The following VAV2 variants were observed in gnomAD, a reference collection of about 807,000 sequenced individuals.
VAV2 encodes the protein vav guanine nucleotide exchange factor 2.
In VAV2, 67 loss-of-function variants were observed where a neutral mutation model predicts 132.5. That is an observed-to-expected ratio of 0.51 (90% CI 0.42 to 0.62). The LOEUF (loss-of-function observed/expected upper bound fraction) is 0.62, where lower values mean the gene tolerates loss of function less well. Ranked by LOEUF, VAV2 falls within the 20% of genes least tolerant of loss-of-function variation. The probability of loss-of-function intolerance (pLI) is 0.00; values close to 1 mark genes in which losing one functional copy is unlikely to be tolerated. For missense variants in VAV2, 938 were observed against 1,153.6 expected, an observed-to-expected ratio of 0.81 and a Z score of 2.71; for synonymous variants, 492 against 443.5, an observed-to-expected ratio of 1.11 and a Z score of -1.37.
rs185909770 is a variant in VAV2, at chr9:133,769,551, G to A, written c.2348-48C>T. ...GTGAGGCGGGCAGCAGGGCATCCACGCACAGTCACGGTGGGCACAGCTACA... is the reference window on the plus strand; with the variant it reads ...GTGAGGCGGGCAGCAGGGCATCCACACACAGTCACGGTGGGCACAGCTACA... On this transcript the variant is annotated intron_variant, in intron 27 of 29. Coordinates refer to ENST00000371850, the MANE Select transcript of VAV2 (RefSeq NM_001134398.2). This position sits in a 1 kb window ranked among gnomAD's most constrained non-coding sequence, Gnocchi z 8.1. The A allele has an allele frequency of 1.1e-4, 167 of 1,561,146 alleles. 1 individual carries two copies. The Admixed American group carries it at 1.4e-3, about 13-fold the overall frequency.
At chr9:133,775,101 T>A in intron 24 of VAV2, 50 bp from the exon 25 acceptor site, 1 of 1,517,656 alleles carries the variant, frequency 6.6e-7, no homozygotes, top group Non-Finnish European at 8.9e-7. Context: ...GGACAGTGTC[T>A]GAGGGGTGCC....
At chr9:133,990,537 C>T (rs143443073) in intron 1 of VAV2, among the ~76,000 whole-genome samples, 1,741 of 152,330 alleles carry the variant, frequency 0.011, 30 homozygotes, top group African/African-American at 0.039. Context: ...ACCCAGCTGC[C>T]CTGCCTCTGC....
Position 133,769,300 on chromosome 9 carries a change from G to T in VAV2, c.2434+117C>A. 1 of 1,128,356 alleles carries T rather than the reference G, an allele frequency of 8.9e-7. No homozygotes were observed. The highest frequency in any genetic ancestry group is 1.2e-6 in the Non-Finnish European group (1 of 802,230). 69.9% of individuals were successfully genotyped at this position (1,128,356 alleles called of 1,614,324 possible). A position where few individuals can be genotyped will look rare whatever the true frequency, so the allele number is the denominator to read the frequency against. The stretch of plus-strand genomic sequence containing the variant: ...TCTCCCCTCCACCCAGTGCCAGACT[G>T]CGGACAACTGTGGCCACGTCAGGCA... On this transcript the variant is annotated intron_variant, in intron 28 of 29. Transcript: ENST00000371850. This position sits in a 1 kb window ranked among gnomAD's most constrained non-coding sequence, Gnocchi z 8.1.
At chr9:133,821,745 T>C (rs966102680) in intron 4 of VAV2, among the ~76,000 whole-genome samples, 1 of 152,232 alleles carries the variant, frequency 6.6e-6, no homozygotes, top group South Asian at 2.1e-4. Context: ...GGGATCATTC[T>C]TCTCTGTCCA....
rs1047115997 is a variant in VAV2 at position 133,794,866 on chromosome 9, C to G, written c.1101+802G>C. Among the ~76,000 whole-genome samples the G allele has an allele frequency of 6.6e-6, 1 of 152,194 alleles. No homozygotes were observed. The highest frequency in any genetic ancestry group is 2.4e-5 in the African/African-American group (1 of 41,454). The stretch of plus-strand genomic sequence containing the variant: ...TGTCCAGGAGGAAGAGTGCCACCCA[C>G]GAGGAAGCCAGTTCCCTGAGGACAG... On this transcript the variant is annotated intron_variant, in intron 12 of 29. Transcript: ENST00000371850. This position sits in a 1 kb window ranked among gnomAD's most constrained non-coding sequence, Gnocchi z 4.6.
At position 133,964,882 on chromosome 9, in the gene VAV2, C is replaced by T. The variant is rs114920912; in HGVS notation, c.205-25663G>A. On this transcript the variant is annotated intron_variant, in intron 1 of 29. Coordinates refer to ENST00000371850, the MANE Select transcript of VAV2 (RefSeq NM_001134398.2). Reference sequence around the variant, plus strand: ...CTAACATTATACTGAATGGGGAGAACCTGAAAGCTTTTTCTCTAAGAACTG... The same window carrying T: ...CTAACATTATACTGAATGGGGAGAATCTGAAAGCTTTTTCTCTAAGAACTG... Among the ~76,000 whole-genome samples, 948 of 152,228 alleles carry T rather than the reference C, an allele frequency of 6.2e-3. 15 individuals are homozygous for T. The highest frequency in any genetic ancestry group is 0.021 in the African/African-American group (890 of 41,524).
Position 133,912,414 on chromosome 9 carries a change from G to A in VAV2, c.321+26689C>T, listed in dbSNP as rs1462140211. 1.3e-5 allele frequency among the ~76,000 whole-genome samples: 2 copies of A among 152,210 alleles called. No individual in the cohort carries two copies. The highest frequency in any genetic ancestry group is 2.9e-5 in the Non-Finnish European group (2 of 68,042). On this transcript the variant is annotated intron_variant, in intron 2 of 29. Transcript: ENST00000371850. This position sits in a 1 kb window ranked among gnomAD's most constrained non-coding sequence, Gnocchi z 4.3. Reference sequence around the variant, plus strand: ...ACGAGCCGGAGGCTTCTGGAGGACAGTGTGCCTAGATGAAGGAACCAGGAC... The same window carrying A: ...ACGAGCCGGAGGCTTCTGGAGGACAATGTGCCTAGATGAAGGAACCAGGAC...
chr9:133,913,878 C>G (rs1472256637), intron 2 of VAV2, among the ~76,000 whole-genome samples: 4 of 152,212 alleles, frequency 2.6e-5, no homozygotes, highest in Non-Finnish European at 4.4e-5. Context: ...GGAGGTGGAG[C>G]CCGCAGCAGA....
At chr9:133,904,859 C>T (rs1839583092) in intron 2 of VAV2, among the ~76,000 whole-genome samples, 1 of 152,252 alleles carries the variant, frequency 6.6e-6, no homozygotes, top group Admixed American at 6.5e-5. Flanking sequence ...TACTCTTTCG[C>T]CTGAGTAAAT....
intron 4 of VAV2, among the ~76,000 whole-genome samples, chr9:133,817,047 C>T (rs1008745703): frequency 6.6e-6 from 1 of 152,180 alleles, no homozygotes; most frequent in Non-Finnish European, 1.5e-5. Context: ...ATGGTAGACA[C>T]TGCATTGAGT....
chr9:133,785,632 G>A lies in VAV2; in HGVS notation c.1532+144C>T, dbSNP rs927716725. 2.4e-5 allele frequency: 16 copies of A among 657,296 alleles called. 1 individual carries two copies. In the South Asian group the frequency reaches 3.0e-4, roughly 12 times the overall value. 40.7% of individuals were successfully genotyped at this position (657,296 alleles called of 1,614,324 possible). A position where few individuals can be genotyped will look rare whatever the true frequency, so the allele number is the denominator to read the frequency against. ...TTGAGGCTGGCGTCCCAGGGGTGAT[G>A]GAGGTTGTCTGTGTCCCTGACGTTC... On this transcript the variant is annotated intron_variant, in intron 17 of 29. Coordinates refer to ENST00000371850, the MANE Select transcript of VAV2 (RefSeq NM_001134398.2).
At chr9:133,929,053 G>A (rs556037093) in intron 2 of VAV2, among the ~76,000 whole-genome samples, 49 of 152,320 alleles carry the variant, frequency 3.2e-4, no homozygotes, top group South Asian at 8.3e-4. Context: ...CACAGCCCTC[G>A]GCATGGGGGA....
chr9:133,984,669 CCT>C (rs66913365), intron 1 of VAV2, among the ~76,000 whole-genome samples: 36,271 of 151,930 alleles, frequency 0.24, 5,545 homozygotes, highest in Middle Eastern at 0.35. Context: ...ATTTTTGCCC[CCT>C]CAAGAGCAGT....
chr9:133,963,256 G>A (rs1842022298), intron 1 of VAV2, among the ~76,000 whole-genome samples: 1 of 152,140 alleles, frequency 6.6e-6, no homozygotes. Flanking sequence ...GTCAATCAGG[G>A]ATCGGAGCCC....
chr9:133,931,547 G>C (rs1049202108), intron 2 of VAV2, among the ~76,000 whole-genome samples: 1 of 151,898 alleles, frequency 6.6e-6, no homozygotes, highest in Non-Finnish European at 1.5e-5. Flanking sequence ...CTCACCTCCT[G>C]AACGAGTCTG....
chr9:133,776,209 T>C (rs1301177047), intron 23 of VAV2, 129 bp from the exon 24 acceptor site: 2 of 1,314,138 alleles, frequency 1.5e-6, no homozygotes, highest in East Asian at 2.7e-5. Flanking sequence ...TCTGTGGACT[T>C]AGCCCCAGCG....
intron 2 of VAV2, among the ~76,000 whole-genome samples, chr9:133,922,396 G>A (rs1840328904): frequency 6.6e-6 from 1 of 152,220 alleles, no homozygotes. Flanking sequence ...TAGGGGCACG[G>A]GGCAGAAAAG....
In VAV2 at chr9:133,785,892, G is replaced by C. The variant is rs372203406; in HGVS notation, c.1423-7C>G. On this transcript the variant is annotated splice_region_variant and splice_polypyrimidine_tract_variant and intron_variant, in intron 16 of 29. Transcript: ENST00000371850. The stretch of plus-strand genomic sequence containing the variant: ...GGTAGAAGCCGTAGGACCACTGCAG[G>C]GGGGAGAGGGGCCATGCTTGCAATA... 1.3e-4 allele frequency: 215 copies of C among 1,611,578 alleles called. No homozygotes were observed. The highest frequency in any genetic ancestry group is 1.5e-4 in the African/African-American group (11 of 74,898).
rs560201641 is a variant in VAV2, at chr9:133,891,079, A to C, written c.322-29647T>G. Reference sequence around the variant, plus strand: ...GTGAAAAATGTAAAAAAGGCAAAGAAGATTTTCTCTCCAAGGCTCTTGCAA... The same window carrying C: ...GTGAAAAATGTAAAAAAGGCAAAGACGATTTTCTCTCCAAGGCTCTTGCAA... On this transcript the variant is annotated intron_variant, in intron 2 of 29. Transcript: ENST00000371850. 2.7e-4 allele frequency among the ~76,000 whole-genome samples: 41 copies of C among 151,688 alleles called. No individual in the cohort carries two copies. The East Asian group carries it at 4.2e-3, about 16-fold the overall frequency.
Sources: gnomAD v4.1 joint callset for allele counts (sites outside exome capture counted in the v4.1 genomes callset) on GRCh38, gnomAD v4.1.1 for gene constraint, Gnocchi (gnomAD v3.1) non-coding constraint, MANE v1.5 for transcripts, NCBI Gene and HGNC (gene_info 2026-07-23, HGNC 2026-07-21) for gene names.